Variants in HMGCLL1 observed in about 807,000 individuals in gnomAD.
The protein encoded by HMGCLL1 is 3-hydroxy-3-methylglutaryl-CoA lyase like 1, also known as 3-hydroxymethyl-3-methylglutaryl-CoA lyase, cytoplasmic.
In HMGCLL1, 36 loss-of-function variants were observed where a neutral mutation model predicts 39.1. That is an observed-to-expected ratio of 0.92 (90% CI 0.71 to 1.22). HMGCLL1 has a LOEUF of 1.22. Among genes scored for constraint, HMGCLL1 ranks in the 50% most tolerant of loss-of-function variants. The probability of loss-of-function intolerance (pLI) is 0.00; values close to 1 mark genes in which losing one functional copy is unlikely to be tolerated. For synonymous variants in HMGCLL1, 149 were observed against 144.0 expected, an observed-to-expected ratio of 1.03 and a Z score of -0.25; for missense variants, 451 against 416.5, an observed-to-expected ratio of 1.08 and a Z score of -0.72.
At chr6:55,651,734 C>T in the HMGCLL1 span, among the ~76,000 whole-genome samples, 9 of 152,170 alleles carry the variant, frequency 5.9e-5, no homozygotes, top group African/African-American at 1.7e-4. Context: ...CAACCCATGG[C>T]GGCAAGGCTT....
chr6:55,526,023 C>A (rs1768300624), intron 3 of HMGCLL1, among the ~76,000 whole-genome samples: 1 of 151,840 alleles, frequency 6.6e-6, no homozygotes, highest in African/African-American at 2.4e-5. Flanking sequence ...AATATACAAC[C>A]AAGGAAAGCC....
the HMGCLL1 span, among the ~76,000 whole-genome samples, chr6:55,615,647 C>T: frequency 6.6e-6 from 1 of 152,032 alleles, no homozygotes; most frequent in African/African-American, 2.4e-5. Context: ...AAAAGATTTA[C>T]CTATAGACTA....
the HMGCLL1 span, among the ~76,000 whole-genome samples, chr6:55,653,899 T>TAA: frequency 1.3e-5 from 2 of 151,860 alleles, no homozygotes; most frequent in African/African-American, 4.8e-5. Context: ...CCTGGGGACT[T>TAA]AAAAACAGTT....
the HMGCLL1 span, among the ~76,000 whole-genome samples, chr6:55,626,239 C>T: frequency 6.6e-6 from 1 of 152,258 alleles, no homozygotes; most frequent in East Asian, 1.9e-4. Context: ...GTTTCCCTAT[C>T]CTGCACACAA....
chr6:55,515,997 A>G (rs1467983783), intron 4 of HMGCLL1, among the ~76,000 whole-genome samples: 1 of 152,070 alleles, frequency 6.6e-6, no homozygotes, highest in East Asian at 1.9e-4. Context: ...TTTAAATTAT[A>G]TAAATTTCTA....
At chr6:55,543,691 T>TA (rs1424362742) in intron 1 of HMGCLL1, among the ~76,000 whole-genome samples, 17 of 148,436 alleles carry the variant, frequency 1.1e-4, no homozygotes, top group African/African-American at 2.5e-4. Flanking sequence ...TCATCTCTCT[T>TA]AAAAAAAACA....
At chr6:55,515,700 A>G (rs1328262648) in intron 4 of HMGCLL1, among the ~76,000 whole-genome samples, 1 of 152,156 alleles carries the variant, frequency 6.6e-6, no homozygotes, top group African/African-American at 2.4e-5. Context: ...TAGGATTACT[A>G]GATGACACCA....
chr6:55,641,033 G>A, the HMGCLL1 span, among the ~76,000 whole-genome samples: 2 of 151,532 alleles, frequency 1.3e-5, no homozygotes, highest in African/African-American at 4.8e-5. Flanking sequence ...AAGCCATTAA[G>A]AAATAAATTA....
intron 5 of HMGCLL1, among the ~76,000 whole-genome samples, chr6:55,506,994 C>T (rs1223719093): frequency 1.3e-5 from 2 of 151,672 alleles, no homozygotes; most frequent in East Asian, 1.9e-4. Context: ...GTGATAAGCT[C>T]TTAGTTAAGA....
the HMGCLL1 span, among the ~76,000 whole-genome samples, chr6:55,656,466 A>C: frequency 5.9e-5 from 9 of 151,940 alleles, no homozygotes. Flanking sequence ...TACCAGGTGA[A>C]AATTATAAGC....
chr6:55,441,707 T>A (rs1475512009), intron 7 of HMGCLL1, among the ~76,000 whole-genome samples: 1 of 152,058 alleles, frequency 6.6e-6, no homozygotes, highest in Non-Finnish European at 1.5e-5. Flanking sequence ...TTTTGTTTTT[T>A]TGAGATGGAG....
chr6:55,600,648 A>G, the HMGCLL1 span, among the ~76,000 whole-genome samples: 5 of 152,154 alleles, frequency 3.3e-5, no homozygotes, highest in Non-Finnish European at 1.5e-5. Flanking sequence ...AAGATATGCA[A>G]TGTAATTCTA....
chr6:55,588,617 G>A, the HMGCLL1 span, among the ~76,000 whole-genome samples: 37 of 152,016 alleles, frequency 2.4e-4, no homozygotes, highest in Non-Finnish European at 4.6e-4. Context: ...GAATCCAGGA[G>A]CTGGTTTTTT....
At chr6:55,566,147 C>T (rs1771199801) in intron 1 of HMGCLL1, among the ~76,000 whole-genome samples, 1 of 152,166 alleles carries the variant, frequency 6.6e-6, no homozygotes, top group East Asian at 1.9e-4. Context: ...AAAGTGAATG[C>T]CAGACTCTGT....
At chr6:55,492,935 G>A (rs995323646) in intron 7 of HMGCLL1, among the ~76,000 whole-genome samples, 1 of 152,024 alleles carries the variant, frequency 6.6e-6, no homozygotes, top group African/African-American at 2.4e-5. Flanking sequence ...AGGAGCCACT[G>A]AGGGGTACAG....
the HMGCLL1 span, among the ~76,000 whole-genome samples, chr6:55,600,770 C>T: frequency 6.6e-6 from 1 of 152,126 alleles, no homozygotes; most frequent in Middle Eastern, 3.4e-3. Context: ...GCAAACCAAC[C>T]TATAATGCTA....
chr6:55,669,559 A>G, the HMGCLL1 span, among the ~76,000 whole-genome samples: 1 of 151,932 alleles, frequency 6.6e-6, no homozygotes, highest in Admixed American at 6.6e-5. Context: ...ACACAGATGA[A>G]AAAGGCTTTA....
the HMGCLL1 span, among the ~76,000 whole-genome samples, chr6:55,603,746 A>G: frequency 4.6e-5 from 7 of 152,146 alleles, no homozygotes; most frequent in African/African-American, 1.7e-4. Flanking sequence ...CTTAACTCTG[A>G]AAAAACCAAA....
At chr6:55,500,473 T>C (rs1024072137) in intron 5 of HMGCLL1, among the ~76,000 whole-genome samples, 1 of 151,898 alleles carries the variant, frequency 6.6e-6, no homozygotes, top group East Asian at 1.9e-4. Flanking sequence ...ACATATTCAA[T>C]GATTCAGTAC....
Sources: allele counts gnomAD v4.1 joint callset (sites outside exome capture counted in the v4.1 genomes callset), GRCh38; gene constraint gnomAD v4.1.1; transcripts MANE v1.5; gene names NCBI Gene and HGNC (gene_info 2026-07-23, HGNC 2026-07-21).